The following CRHBP variants were observed in gnomAD, a reference collection of about 807,000 sequenced individuals.
The protein encoded by CRHBP is corticotropin releasing hormone binding protein.
In CRHBP, 19 loss-of-function variants were observed where a neutral mutation model predicts 34.9. The observed-to-expected ratio is 0.55, with a 90% CI of 0.38 to 0.80. The LOEUF (loss-of-function observed/expected upper bound fraction) is 0.80, where lower values mean the gene tolerates loss of function less well. Among genes scored for constraint, CRHBP ranks in the 30% least tolerant of loss-of-function variants. CRHBP has a pLI of 0.00. For missense variants in CRHBP, 328 were observed against 409.2 expected (o/e 0.80, Z 1.71); for synonymous variants, 154 against 153.4 (o/e 1.00, Z -0.03).
chr5:76,953,507 C>G (rs1745606377), intron 1 of CRHBP, 94 bp from the exon 2 acceptor site: 1 of 1,223,042 alleles, frequency 8.2e-7, no homozygotes, highest in Admixed American at 2.0e-5. Flanking sequence ...TCTTTATTCG[C>G]TATGCTGAGT....
At chr5:76,954,801 C>G (rs1745643286) in intron 3 of CRHBP, among the ~76,000 whole-genome samples, 1 of 152,166 alleles carries the variant, frequency 6.6e-6, no homozygotes, top group Non-Finnish European at 1.5e-5. Context: ...CTCCTCGATT[C>G]CAGTCGTCAG....
chr5:76,960,144 G>C (rs75876015), intron 5 of CRHBP, among the ~76,000 whole-genome samples: 2,567 of 152,316 alleles, frequency 0.017, 71 homozygotes, highest in African/African-American at 0.057. Context: ...AAATGCAGCA[G>C]AGTAGTGTGG....
At chr5:76,957,469 C>T (rs1745701360) in intron 4 of CRHBP, among the ~76,000 whole-genome samples, 1 of 152,210 alleles carries the variant, frequency 6.6e-6, no homozygotes, top group Admixed American at 6.5e-5. Context: ...TCACTGCAAC[C>T]TCTGCCTCTC....
intron 3 of CRHBP, among the ~76,000 whole-genome samples, chr5:76,977,298 C>T (rs965670540): frequency 2.0e-5 from 3 of 152,192 alleles, no homozygotes; most frequent in African/African-American, 7.2e-5. Flanking sequence ...TGTTTTATTG[C>T]ACTTCACTTT....
chr5:76,977,562 T>C (rs1030901454), intron 3 of CRHBP, among the ~76,000 whole-genome samples: 2 of 152,246 alleles, frequency 1.3e-5, no homozygotes, highest in South Asian at 2.1e-4. Context: ...ACTGTGCCCA[T>C]AGAAGACAGT....
rs540463923 is a variant in CRHBP at position 76,975,926 on chromosome 5, A to G, written n.312-439A>G. ...TGTGTGTATATATATGTGTATATAT[A>G]TGTGTGTGTGTATATATATATATAT... On this transcript the variant is annotated intron_variant and non_coding_transcript_variant, in intron 2 of 3. Transcript: ENST00000514258. Among the ~76,000 whole-genome samples the G allele has an allele frequency of 5.6e-3, 574 of 101,808 alleles. 6 individuals carry two copies. The highest frequency in any genetic ancestry group is 0.025 in the African/African-American group (536 of 21,196). 66.8% of individuals were successfully genotyped at this position (101,808 alleles called of 152,430 possible). A position where few individuals can be genotyped will look rare whatever the true frequency, so the allele number is the denominator to read the frequency against.
chr5:76,959,679 A>G (rs1295993063), intron 5 of CRHBP, among the ~76,000 whole-genome samples: 1 of 152,254 alleles, frequency 6.6e-6, no homozygotes, highest in Non-Finnish European at 1.5e-5. Context: ...GGACTGAGAA[A>G]AGGAGTATAT....
At chr5:76,956,200 G>A (rs1387163415) in intron 4 of CRHBP, among the ~76,000 whole-genome samples, 1 of 152,154 alleles carries the variant, frequency 6.6e-6, no homozygotes, top group Non-Finnish European at 1.5e-5. Context: ...ATAAGCTTGA[G>A]TGATCAGATA....
rs376448148 is a variant in CRHBP at position 76,955,907 on chromosome 5, G to A, written c.544+44G>A. 90 of 1,559,228 alleles carry A rather than the reference G, an allele frequency of 5.8e-5. No individual in the cohort carries two copies. The African/African-American group carries it at 8.8e-4, about 15-fold the overall frequency. On this transcript the variant is annotated intron_variant, in intron 4 of 6. Coordinates refer to ENST00000274368, the MANE Select transcript of CRHBP (RefSeq NM_001882.4). ...AAGGCAGAACTTCGGATATAGACCC[G>A]CTTTTTGAAAGTAGTATCATTGCAC... is the stretch of plus-strand genomic sequence containing the variant.
At chr5:76,973,493 G>A (rs905381641), downstream of CRHBP, among the ~76,000 whole-genome samples, 29 of 152,118 alleles carry the variant, frequency 1.9e-4, no homozygotes, top group African/African-American at 6.8e-4. Flanking sequence ...AGCATCTAAG[G>A]ATTTCAGGAT....
intron 3 of CRHBP, among the ~76,000 whole-genome samples, chr5:76,980,223 C>T (rs1352612816): frequency 1.5e-4 from 21 of 138,870 alleles, no homozygotes; most frequent in African/African-American, 5.2e-4. Context: ...CCACTGCACT[C>T]CAGCCTGGGC....
At chr5:76,975,825 A>AAAAAAAAAAAAAAATATATATATATAT in intron 2 of CRHBP, among the ~76,000 whole-genome samples, 1 of 61,858 alleles carries the variant, frequency 1.6e-5, no homozygotes. Context: ...AAAAAAAAAA[A>AAAAAAAAAAAAAAATATATATATATAT]ATATATATAT....
chr5:76,979,979 C>T (rs946943328), intron 3 of CRHBP, among the ~76,000 whole-genome samples: 4 of 145,978 alleles, frequency 2.7e-5, no homozygotes, highest in East Asian at 2.1e-4. Flanking sequence ...CGGCCGGGCG[C>T]GGTGGCTCAC....
chr5:76,966,620 C>T lies in CRHBP; in HGVS notation c.812-2108C>T, dbSNP rs2150708947. Among the ~76,000 whole-genome samples the T allele has an allele frequency of 1.3e-5, 2 of 152,176 alleles. 1 individual carries two copies. Among genetic ancestry groups the T allele is most frequent in the Middle Eastern group, 6.8e-3 (2 of 294 alleles). On this transcript the variant is annotated intron_variant, in intron 6 of 6. Coordinates refer to ENST00000274368, the MANE Select transcript of CRHBP (RefSeq NM_001882.4). ...AGACCCAGGTGTTTTCCTTTTGATC[C>T]AGCTTTGGGAAGTCAGCACAAATTG...
rs556628202 is a variant in CRHBP, at chr5:76,976,002, A to C, written n.312-363A>C. 7.1e-4 allele frequency among the ~76,000 whole-genome samples: 107 copies of C among 149,822 alleles called. 1 individual carries two copies. In the South Asian group the frequency reaches 7.2e-3, roughly 10 times the overall value. On this transcript the variant is annotated intron_variant and non_coding_transcript_variant, in intron 2 of 3. Transcript: ENST00000514258. ...GGTGGTCCATTGGCAAAGCTAAGAA[A>C]ATGGTAGATCAACTCTGCCTTCTGC...
intron 5 of CRHBP, among the ~76,000 whole-genome samples, chr5:76,961,373 C>T (rs1561266015): frequency 6.6e-6 from 1 of 152,184 alleles, no homozygotes; most frequent in South Asian, 2.1e-4. Context: ...TTGCCTGCAA[C>T]AGCACCTGCT....
At chr5:76,956,248 G>C (rs1383776884) in intron 4 of CRHBP, among the ~76,000 whole-genome samples, 4 of 152,108 alleles carry the variant, frequency 2.6e-5, no homozygotes, top group Admixed American at 6.5e-5. Context: ...GCACAGGCTT[G>C]AAAGTCTCCA....
intron 6 of CRHBP, 28 bp from the exon 7 acceptor site, chr5:76,968,700 A>G: frequency 6.3e-7 from 1 of 1,580,356 alleles, no homozygotes; most frequent in Non-Finnish European, 8.6e-7. Context: ...ACCTGCTGGG[A>G]AACTTTTATC....
At chr5:76,953,396 G>A in intron 1 of CRHBP, 181 bp downstream of exon 1, 1 of 814,382 alleles carries the variant, frequency 1.2e-6, no homozygotes, top group Non-Finnish European at 2.0e-6. Context: ...ATCCCAGACT[G>A]CCTGCCTGCC....
Sources: gnomAD v4.1 joint callset for allele counts (sites outside exome capture counted in the v4.1 genomes callset) on GRCh38, gnomAD v4.1.1 for gene constraint, MANE v1.5 for transcripts, NCBI Gene and HGNC (gene_info 2026-07-23, HGNC 2026-07-21) for gene names.